Variants in NPTN observed in about 807,000 individuals in gnomAD.
NPTN encodes the protein neuroplastin.
Under a neutral mutation model 42.7 loss-of-function variants are expected in NPTN, and 5 were observed. The ratio of observed to expected loss-of-function variants is 0.12; its 90% confidence interval spans 0.06 to 0.25. The LOEUF is 0.25. NPTN is among the 10% of genes least tolerant of loss of function. NPTN has a pLI of 1.00. For missense variants in NPTN, 307 were observed against 525.4 expected (o/e 0.58, Z 4.06); for synonymous variants, 180 against 201.9 (o/e 0.89, Z 0.92).
At chr15:73,598,124 T>G (rs974494931) in intron 1 of NPTN, among the ~76,000 whole-genome samples, 5 of 152,184 alleles carry the variant, frequency 3.3e-5, no homozygotes, top group African/African-American at 9.7e-5. Context: ...ATTAATACTT[T>G]GTGGGTCAGC....
chr15:73,615,064 G>T (rs1180160071), intron 1 of NPTN, among the ~76,000 whole-genome samples: 9 of 151,904 alleles, frequency 5.9e-5, no homozygotes, highest in Admixed American at 3.9e-4. Context: ...TTCCAAGTTA[G>T]GTAGTGATGC....
At chr15:73,571,576 C>G (rs1229003253) in intron 5 of NPTN, among the ~76,000 whole-genome samples, 1 of 152,148 alleles carries the variant, frequency 6.6e-6, no homozygotes, top group East Asian at 1.9e-4. Context: ...AGGAGGACAG[C>G]TGATCAAACA....
intron 4 of NPTN, among the ~76,000 whole-genome samples, chr15:73,583,016 C>A (rs1896130991): frequency 6.6e-6 from 1 of 152,148 alleles, no homozygotes; most frequent in Non-Finnish European, 1.5e-5. Flanking sequence ...TTAACAAACC[C>A]CCATATATGT....
Position 73,570,190 on chromosome 15 carries a change from AACAATGATCACC to A in NPTN, c.1062_1073del (p.Ile356_Val359del), listed in dbSNP as rs745507559. ...CTGGCCTCTTCCTCTTCTCATACAC[AACAATGATCACC>A]ACAAGGATGATAATTTCAGCCAGAA... On this transcript the variant is annotated inframe_deletion, in exon 6 of 9. Transcript: ENST00000345330. The surrounding 1 kb of genome is among the most constrained non-coding windows in gnomAD (Gnocchi z 4.0). 1 of 1,613,998 alleles carries A rather than the reference AACAATGATCACC, an allele frequency of 6.2e-7. No homozygotes were observed.
intron 6 of NPTN, among the ~76,000 whole-genome samples, chr15:73,565,117 G>A (rs1450603971): frequency 6.6e-6 from 1 of 152,242 alleles, no homozygotes; most frequent in African/African-American, 2.4e-5. Context: ...TTTAGCGACA[G>A]TGCCTCCGGC....
At chr15:73,591,775 C>A in intron 3 of NPTN, 191 bp downstream of exon 3, 3 of 492,904 alleles carry the variant, frequency 6.1e-6, no homozygotes, top group Non-Finnish European at 1.1e-5. Context: ...TCCAATCTGG[C>A]TGCTCATTAG....
intron 1 of NPTN, among the ~76,000 whole-genome samples, chr15:73,626,605 T>G (rs553171060): frequency 8.4e-4 from 128 of 152,340 alleles, no homozygotes; most frequent in Non-Finnish European, 1.7e-3. Flanking sequence ...AATTTATATA[T>G]GCAAAACAAA....
Position 73,573,592 on chromosome 15 carries a change from T to G in NPTN, c.840+70A>C, listed in dbSNP as rs528506201. 7.5e-6 allele frequency: 11 copies of G among 1,473,906 alleles called. No homozygotes were observed. In the Admixed American group the frequency reaches 2.6e-4, roughly 35 times the overall value. 91.3% of individuals were successfully genotyped at this position (1,473,906 alleles called of 1,614,324 possible). A position where few individuals can be genotyped will look rare whatever the true frequency, so the allele number is the denominator to read the frequency against. ...CCGAGGATACAGCTACTACAGTAACTGACCCACGTGTCTGGACCTCTGCAG... is the reference window on the plus strand; with the variant it reads ...CCGAGGATACAGCTACTACAGTAACGGACCCACGTGTCTGGACCTCTGCAG... On this transcript the variant is annotated intron_variant, in intron 5 of 8. Coordinates refer to ENST00000345330, the MANE Select transcript of NPTN (RefSeq NM_012428.4).
chr15:73,596,614 C>T (rs997376488), intron 2 of NPTN, among the ~76,000 whole-genome samples: 2 of 152,284 alleles, frequency 1.3e-5, no homozygotes, highest in South Asian at 2.1e-4. Flanking sequence ...AGGAAACCTA[C>T]TACAAAATCA....
chr15:73,599,108 T>C (rs553526416), intron 1 of NPTN, among the ~76,000 whole-genome samples: 1 of 152,206 alleles, frequency 6.6e-6, no homozygotes, highest in African/African-American at 2.4e-5. Flanking sequence ...ATGCATTCCT[T>C]GTAAGGAAAT....
At chr15:73,604,818 A>C (rs1214133127) in intron 1 of NPTN, among the ~76,000 whole-genome samples, 1 of 152,096 alleles carries the variant, frequency 6.6e-6, no homozygotes, top group Non-Finnish European at 1.5e-5. Context: ...CAAGCATTCT[A>C]CTCTATTAGG....
chr15:73,623,182 T>C (rs1460307407), intron 1 of NPTN, among the ~76,000 whole-genome samples: 1 of 152,240 alleles, frequency 6.6e-6, no homozygotes, highest in East Asian at 1.9e-4. Context: ...GGCTTCTTTG[T>C]ATTCAACACG....
chr15:73,600,427 TATTC>T (rs1289759611), intron 1 of NPTN, among the ~76,000 whole-genome samples: 1 of 152,278 alleles, frequency 6.6e-6, no homozygotes, highest in Non-Finnish European at 1.5e-5. Context: ...CTAAGCACTT[TATTC>T]ATTATCATAT....
intron 4 of NPTN, among the ~76,000 whole-genome samples, chr15:73,579,034 T>TA (rs1354277484): frequency 1.5e-5 from 2 of 136,466 alleles, no homozygotes; most frequent in Non-Finnish European, 3.1e-5. Flanking sequence ...AACATCCAAG[T>TA]ATTGGGAAGG....
intron 4 of NPTN, among the ~76,000 whole-genome samples, chr15:73,575,981 C>T (rs1370069332): frequency 1.3e-5 from 2 of 152,236 alleles, no homozygotes; most frequent in African/African-American, 2.4e-5. Flanking sequence ...CAACCTGGCT[C>T]TATCTCATTC....
intron 1 of NPTN, among the ~76,000 whole-genome samples, chr15:73,620,759 AC>A (rs948570276): frequency 6.6e-6 from 1 of 152,218 alleles, no homozygotes; most frequent in African/African-American, 2.4e-5. Flanking sequence ...AGAGCTGTTC[AC>A]CTTTTCAGAA....
At chr15:73,583,665 A>G (rs1004519733) in intron 4 of NPTN, among the ~76,000 whole-genome samples, 3 of 152,202 alleles carry the variant, frequency 2.0e-5, no homozygotes, top group African/African-American at 7.2e-5. Flanking sequence ...TCATGATATT[A>G]TTATGCCTTC....
At chr15:73,602,635 A>G (rs1054508035) in intron 1 of NPTN, among the ~76,000 whole-genome samples, 3 of 152,192 alleles carry the variant, frequency 2.0e-5, no homozygotes, top group African/African-American at 7.2e-5. Flanking sequence ...CCTTAACACC[A>G]AAGGCAGGTC....
intron 4 of NPTN, among the ~76,000 whole-genome samples, chr15:73,575,033 GA>G (rs377693373): frequency 1.3e-4 from 20 of 152,346 alleles, no homozygotes; most frequent in African/African-American, 4.8e-4. Flanking sequence ...GCCTAGGCTG[GA>G]GTGCAATGGT....
Sources: gnomAD v4.1 joint callset for allele counts (sites outside exome capture counted in the v4.1 genomes callset) on GRCh38, gnomAD v4.1.1 for gene constraint, Gnocchi (gnomAD v3.1) non-coding constraint, MANE v1.5 for transcripts, NCBI Gene and HGNC (gene_info 2026-07-23, HGNC 2026-07-21) for gene names.